DNAH3: variants seen among roughly 807,000 people sequenced by gnomAD.
DNAH3 encodes axonemal beta dynein heavy chain 3.
In DNAH3, 332 loss-of-function variants were observed where a neutral mutation model predicts 432.5. That is an observed-to-expected ratio of 0.77 (90% CI 0.70 to 0.84). The LOEUF (loss-of-function observed/expected upper bound fraction) is 0.84. Among genes scored for constraint, DNAH3 ranks in the 40% least tolerant of loss-of-function variants. The pLI is 0.00. For missense variants in DNAH3, 4,861 were observed against 5,114.0 expected (o/e 0.95, Z 1.51); for synonymous variants, 1,956 against 1,900.2 (o/e 1.03, Z -0.76).
chr16:20,997,686 G>C (rs539013853), intron 43 of DNAH3, among the ~76,000 whole-genome samples: 1 of 151,958 alleles, frequency 6.6e-6, no homozygotes, highest in Non-Finnish European at 1.5e-5. Context: ...TGACTATAAG[G>C]ATGCATAGAC....
At chr16:21,086,855 C>G in exon 19 of DNAH3, 1 of 1,614,070 alleles carries the variant, frequency 6.2e-7, no homozygotes, top group South Asian at 1.1e-5. Context: ...AAACCTGCTG[C>G]CAGTGTCGGT....
At chr16:21,124,117 T>C (rs2092399517) in intron 9 of DNAH3, among the ~76,000 whole-genome samples, 1 of 152,086 alleles carries the variant, frequency 6.6e-6, no homozygotes, top group Non-Finnish European at 1.5e-5. Context: ...CATTTTGACT[T>C]CCCTAAAACA....
At chr16:21,022,136 G>A in intron 39 of DNAH3, 36 bp from the exon 40 acceptor site, 1 of 1,610,550 alleles carries the variant, frequency 6.2e-7, no homozygotes, top group African/African-American at 1.3e-5. Flanking sequence ...TTGGAGACAT[G>A]ATCAACAAGT....
chr16:21,146,621 C>T (rs926684900), intron 1 of DNAH3, among the ~76,000 whole-genome samples: 5 of 152,224 alleles, frequency 3.3e-5, no homozygotes, highest in African/African-American at 9.6e-5. Flanking sequence ...CATCTACTCT[C>T]ATAGCGTTGT....
Position 20,942,325 on chromosome 16 carries a change from A to C in DNAH3, c.11512-782T>G, listed in dbSNP as rs567380179. 1.5e-3 allele frequency among the ~76,000 whole-genome samples: 229 copies of C among 152,296 alleles called. 1 individual carries two copies. Among genetic ancestry groups the C allele is most frequent in the African/African-American group, 5.3e-3 (221 of 41,582 alleles). On this transcript the variant is annotated intron_variant, in intron 58 of 61. Transcript: ENST00000261383. Reference sequence around the variant, plus strand: ...CAGCATTGGAGCAAGAAAAGCACAGAACCCTCAGCTTAGCCAAGTAGGGAG... The same window carrying C: ...CAGCATTGGAGCAAGAAAAGCACAGCACCCTCAGCTTAGCCAAGTAGGGAG...
rs183329297 is a variant in DNAH3 at position 21,074,621 on chromosome 16, T to C, written c.3084+826A>G. On this transcript the variant is annotated intron_variant, in intron 21 of 61. Transcript: ENST00000261383. The stretch of plus-strand genomic sequence containing the variant: ...CCCAGCTACTCGGGAGGCTGAGGTA[T>C]GAGAATCGCTTGAGCCTGGGAGGCA... Among the ~76,000 whole-genome samples the C allele has an allele frequency of 4.8e-3, 722 of 151,916 alleles. 5 individuals carry two copies. Among genetic ancestry groups the C allele is most frequent in the Non-Finnish European group, 8.2e-3 (559 of 67,926 alleles).
intron 46 of DNAH3, 83 bp from the exon 47 acceptor site, chr16:20,987,531 T>A: frequency 6.4e-7 from 1 of 1,570,816 alleles, no homozygotes; most frequent in Non-Finnish European, 8.7e-7. Flanking sequence ...AGTCCTGGGG[T>A]TGATTTGAGG....
At position 21,140,739 on chromosome 16, in the gene DNAH3, G is replaced by C. The variant is rs766589662; in HGVS notation, c.522-29C>G. 40 of 1,610,620 alleles carry C rather than the reference G, an allele frequency of 2.5e-5. 1 individual carries two copies. The South Asian group carries it at 4.4e-4, about 18-fold the overall frequency. ...AAAAGTAGACACAGCTCAGCCCTTG[G>C]TGTTTGGTTCTCCAGAGAGGTGCTG... On this transcript the variant is annotated intron_variant, in intron 4 of 61. Transcript: ENST00000261383.
chr16:20,999,754 T>A (rs1279777995), intron 43 of DNAH3, among the ~76,000 whole-genome samples: 1 of 152,200 alleles, frequency 6.6e-6, no homozygotes, highest in Non-Finnish European at 1.5e-5. Flanking sequence ...TTGTAAATAG[T>A]TACAGTCCTG....
chr16:21,148,438 A>ATTTTTT (rs1359862004), intron 1 of DNAH3, among the ~76,000 whole-genome samples: 1 of 142,388 alleles, frequency 7.0e-6, no homozygotes, highest in African/African-American at 2.7e-5. Flanking sequence ...TATTATTATT[A>ATTTTTT]TTTATTTTTT....
chr16:21,125,447 C>T (rs1379003419), intron 8 of DNAH3, 77 bp from the exon 10 acceptor site: 1 of 1,288,326 alleles, frequency 7.8e-7, no homozygotes, highest in Non-Finnish European at 1.0e-6. Flanking sequence ...CCCCTGAGCT[C>T]AGTGATGAGG....
intron 31 of DNAH3, among the ~76,000 whole-genome samples, chr16:21,046,534 C>T (rs1167431963): frequency 6.6e-6 from 1 of 151,866 alleles, no homozygotes; most frequent in East Asian, 1.9e-4. Context: ...CTTGGTAGAT[C>T]TTCCTCCATC....
At chr16:21,019,969 AG>A in intron 40 of DNAH3, 100 bp from the exon 41 acceptor site, 1 of 1,372,554 alleles carries the variant, frequency 7.3e-7, no homozygotes, top group South Asian at 1.4e-5. Flanking sequence ...CTGGGCCAGA[AG>A]GGCGACTGAT....
At chr16:21,054,387 G>A in intron 28 of DNAH3, 33 bp downstream of exon 28, 1 of 1,485,864 alleles carries the variant, frequency 6.7e-7, no homozygotes, top group Non-Finnish European at 9.4e-7. Flanking sequence ...CTCCTGGATA[G>A]TCAGTAATGA....
chr16:21,125,023 T>A, intron 9 of DNAH3, 152 bp downstream of exon 10: 1 of 545,834 alleles, frequency 1.8e-6, no homozygotes. Context: ...AAGACATTTT[T>A]ATAAACTAAC....
intron 26 of DNAH3, among the ~76,000 whole-genome samples, chr16:21,059,591 A>G (rs1043888524): frequency 2.6e-5 from 4 of 152,174 alleles, no homozygotes; most frequent in Non-Finnish European, 5.9e-5. Flanking sequence ...CCTGGCCAAC[A>G]TGGTGAAACC....
chr16:21,070,015 G>C (rs2090723352), intron 22 of DNAH3, among the ~76,000 whole-genome samples: 1 of 152,206 alleles, frequency 6.6e-6, no homozygotes, highest in Non-Finnish European at 1.5e-5. Flanking sequence ...GTAAGGAGCA[G>C]AGCCAGAATT....
exon 55 of DNAH3, chr16:20,954,892 C>T (rs1181565479): frequency 6.2e-6 from 10 of 1,614,030 alleles, no homozygotes; most frequent in South Asian, 5.5e-5. Context: ...GCCACATCAC[C>T]GCCTTTGCAC....
At chr16:21,104,971 C>T (rs2091914080) in intron 15 of DNAH3, among the ~76,000 whole-genome samples, 1 of 152,142 alleles carries the variant, frequency 6.6e-6, no homozygotes, top group Non-Finnish European at 1.5e-5. Flanking sequence ...GCTCTCGTTC[C>T]ACAGTTCAAA....
Sources: allele counts gnomAD v4.1 joint callset (sites outside exome capture counted in the v4.1 genomes callset), GRCh38; gene constraint gnomAD v4.1.1; transcripts MANE v1.5; gene names NCBI Gene and HGNC (gene_info 2026-07-23, HGNC 2026-07-21).